RBFOX1: variants seen among roughly 807,000 people sequenced by gnomAD.
RBFOX1 encodes the protein RNA binding protein fox-1 homolog 1.
A neutral mutation model predicts 57.7 loss-of-function variants in RBFOX1; 8 were observed. The ratio of observed to expected loss-of-function variants is 0.14; its 90% confidence interval spans 0.08 to 0.25. The LOEUF (loss-of-function observed/expected upper bound fraction) is 0.25. Ranked by LOEUF, RBFOX1 falls within the 10% of genes least tolerant of loss-of-function variation. The pLI, the probability that RBFOX1 is intolerant of heterozygous loss-of-function variation, is 1.00. For missense variants in RBFOX1, 611 were observed against 548.5 expected, an observed-to-expected ratio of 1.11 and a Z score of -1.14; for synonymous variants, 326 against 222.4, an observed-to-expected ratio of 1.47 and a Z score of -4.15.
At chr16:5,956,535 G>C (rs754134564) in intron 4 of RBFOX1, among the ~76,000 whole-genome samples, 1 of 151,216 alleles carries the variant, frequency 6.6e-6, no homozygotes, top group Non-Finnish European at 1.5e-5. Flanking sequence ...TCCTCTCTGA[G>C]ATTCTGATTA....
At chr16:6,993,908 G>A (rs2091891772) in intron 3 of RBFOX1, among the ~76,000 whole-genome samples, 1 of 152,152 alleles carries the variant, frequency 6.6e-6, no homozygotes, top group Non-Finnish European at 1.5e-5. Flanking sequence ...ATCTCATATT[G>A]TATTGATTGT....
intron 3 of RBFOX1, among the ~76,000 whole-genome samples, chr16:6,703,322 C>A (rs1031177585): frequency 1.3e-5 from 2 of 151,974 alleles, no homozygotes; most frequent in African/African-American, 4.8e-5. Context: ...CACCTGTGAT[C>A]CAGCACTTAG....
intron 2 of RBFOX1, among the ~76,000 whole-genome samples, chr16:6,422,394 C>A (rs1353482776): frequency 6.6e-6 from 1 of 152,118 alleles, no homozygotes; most frequent in Non-Finnish European, 1.5e-5. Context: ...CCATGCCCTC[C>A]TCCCTGTCTT....
At chr16:7,485,454 G>A (rs11077191) in intron 4 of RBFOX1, among the ~76,000 whole-genome samples, 25,623 of 152,162 alleles carry the variant, frequency 0.17, 2,530 homozygotes, top group East Asian at 0.39. Context: ...CTTGAATCCA[G>A]CTGAATGCTT....
rs112619919 is a variant in RBFOX1, at chr16:6,028,329, T to G, written c.-127+8337T>G. Among the ~76,000 whole-genome samples, 1,365 of 152,094 alleles carry G rather than the reference T, an allele frequency of 9.0e-3. 20 individuals carry two copies. The highest frequency in any genetic ancestry group is 0.031 in the African/African-American group (1,283 of 41,502). ...AGTCCTTTTCACAGGTTAGAGAAAG[T>G]GCAGTAGTTTCCTTGAGGGAGAATA... On this transcript the variant is annotated intron_variant, in intron 1 of 15. Coordinates refer to ENST00000550418, the MANE Select transcript of RBFOX1 (RefSeq NM_018723.4).
At chr16:5,856,273 A>G (rs1453024036) in intron 3 of RBFOX1, among the ~76,000 whole-genome samples, 1 of 33,008 alleles carries the variant, frequency 3.0e-5, no homozygotes, top group Non-Finnish European at 5.9e-5. Context: ...ATATATATAT[A>G]CACATATATA....
chr16:5,372,458 ATAAG>A (rs1445407253), intron 1 of RBFOX1, among the ~76,000 whole-genome samples: 1 of 149,652 alleles, frequency 6.7e-6, no homozygotes, highest in African/African-American at 2.4e-5. Flanking sequence ...TGAAAAATAA[ATAAG>A]TAAATAAGAA....
At chr16:6,619,133 C>T (rs369347644) in intron 2 of RBFOX1, among the ~76,000 whole-genome samples, 6 of 151,638 alleles carry the variant, frequency 4.0e-5, no homozygotes, top group East Asian at 1.9e-4. Flanking sequence ...CATGGTACTT[C>T]GCTACAGACC....
At chr16:6,332,633 A>G (rs2152809403) in intron 2 of RBFOX1, among the ~76,000 whole-genome samples, 1 of 152,328 alleles carries the variant, frequency 6.6e-6, no homozygotes, top group African/African-American at 2.4e-5. Flanking sequence ...ACACATACAC[A>G]TACACATCTG....
chr16:7,317,588 G>A (rs1568181744), intron 4 of RBFOX1, among the ~76,000 whole-genome samples: 1 of 152,168 alleles, frequency 6.6e-6, no homozygotes, highest in African/African-American at 2.4e-5. Flanking sequence ...GTGCTCTGTA[G>A]CATCCCACTT....
chr16:6,559,172 CATAT>C (rs754636029), intron 2 of RBFOX1, among the ~76,000 whole-genome samples: 1 of 130,816 alleles, frequency 7.6e-6, no homozygotes, highest in Non-Finnish European at 1.5e-5. Context: ...TTTGTGTGTA[CATAT>C]ATATATACAC....
chr16:6,201,383 G>A (rs546639055), intron 1 of RBFOX1, among the ~76,000 whole-genome samples: 2 of 152,226 alleles, frequency 1.3e-5, no homozygotes, highest in African/African-American at 4.8e-5. Context: ...CCTCCATACT[G>A]TTCCCCAGAG....
chr16:7,234,765 A>G lies in RBFOX1; in HGVS notation c.27+182667A>G, dbSNP rs1036659172. On this transcript the variant is annotated intron_variant, in intron 4 of 15. Coordinates refer to ENST00000550418, the MANE Select transcript of RBFOX1 (RefSeq NM_018723.4). The stretch of plus-strand genomic sequence containing the variant: ...ACCCTGTGCTGAACGGAGAAGTCAG[A>G]AATGGGTAATAGACTACATTCAAAC... Among the ~76,000 whole-genome samples the G allele has an allele frequency of 2.0e-4, 31 of 151,780 alleles. 1 individual carries two copies. The highest frequency in any genetic ancestry group is 6.5e-4 in the African/African-American group (27 of 41,358).
Position 5,883,669 on chromosome 16 carries a change from C to G in RBFOX1, c.351+16334C>G, listed in dbSNP as rs550876886. 1.2e-4 allele frequency among the ~76,000 whole-genome samples: 19 copies of G among 152,252 alleles called. No homozygotes were observed. The South Asian group carries it at 3.7e-3, about 30-fold the overall frequency. ...TGTCTAATAAGCCTGGTGTCTTCAG[C>G]TAACGACTCTTTCTTTCTTGTTCTG... On this transcript the variant is annotated intron_variant, in intron 4 of 19. Transcript: ENST00000641259.
intron 3 of RBFOX1, among the ~76,000 whole-genome samples, chr16:5,744,261 A>G (rs1040148153): frequency 2.6e-5 from 4 of 152,126 alleles, no homozygotes; most frequent in Non-Finnish European, 5.9e-5. Flanking sequence ...CTGCCCTTGA[A>G]TGAATTGCTC....
chr16:6,464,882 G>T (rs1048049046), intron 2 of RBFOX1, among the ~76,000 whole-genome samples: 1 of 152,240 alleles, frequency 6.6e-6, no homozygotes, highest in Non-Finnish European at 1.5e-5. Context: ...AGCAGTAGGA[G>T]AATGTAGCCT....
chr16:5,911,100 A>G (rs1338881886), intron 4 of RBFOX1, among the ~76,000 whole-genome samples: 2 of 152,138 alleles, frequency 1.3e-5, no homozygotes, highest in African/African-American at 2.4e-5. Flanking sequence ...AACAGAAACT[A>G]AGGTACTCTG....
chr16:5,750,682 C>T (rs754497908), intron 3 of RBFOX1, among the ~76,000 whole-genome samples: 5 of 152,216 alleles, frequency 3.3e-5, no homozygotes, highest in African/African-American at 4.8e-5. Flanking sequence ...TGGGATGTAA[C>T]CTCCTGGTGT....
At chr16:7,650,473 T>C (rs2064804484) in intron 11 of RBFOX1, among the ~76,000 whole-genome samples, 2 of 152,156 alleles carry the variant, frequency 1.3e-5, no homozygotes, top group African/African-American at 4.8e-5. Flanking sequence ...GGAAGCCTTG[T>C]AAATATCCTG....
Sources: gnomAD v4.1 joint callset for allele counts (sites outside exome capture counted in the v4.1 genomes callset) on GRCh38, gnomAD v4.1.1 for gene constraint, MANE v1.5 for transcripts, NCBI Gene and HGNC (gene_info 2026-07-23, HGNC 2026-07-21) for gene names.